The following TMEM50A variants were observed in gnomAD, a reference collection of about 807,000 sequenced individuals.
TMEM50A encodes the protein cervical cancer oncogene 9.
TMEM50A carries 8 observed loss-of-function variants against 23.9 expected under a neutral mutation model. That is an observed-to-expected ratio of 0.33 (90% CI 0.20 to 0.60). TMEM50A has a LOEUF of 0.60. Among genes scored for constraint, TMEM50A ranks in the 20% least tolerant of loss-of-function variants. The pLI is 0.81. For missense variants in TMEM50A, 178 were observed against 192.7 expected (o/e 0.92, Z 0.45); for synonymous variants, 55 against 60.4 (o/e 0.91, Z 0.41).
intron 3 of TMEM50A, among the ~76,000 whole-genome samples, chr1:25,346,793 C>T (rs3093601): frequency 2.6e-5 from 4 of 151,934 alleles, no homozygotes; most frequent in Admixed American, 6.5e-5. Context: ...CCAAAGTGGG[C>T]GGATCACTTG....
chr1:25,350,427 G>T (rs1645264114), intron 3 of TMEM50A, among the ~76,000 whole-genome samples: 1 of 151,914 alleles, frequency 6.6e-6, no homozygotes, highest in South Asian at 2.1e-4. Flanking sequence ...TTTCACTCTT[G>T]TCGCCCAGGC....
chr1:25,360,316 T>C (rs978433189), intron 6 of TMEM50A, among the ~76,000 whole-genome samples: 1 of 146,830 alleles, frequency 6.8e-6, no homozygotes. Context: ...GCCACTGCAC[T>C]CCAGCCTGGG....
chr1:25,339,295 A>G (rs889582926), intron 1 of TMEM50A, among the ~76,000 whole-genome samples: 3 of 152,194 alleles, frequency 2.0e-5, no homozygotes, highest in Non-Finnish European at 4.4e-5. Flanking sequence ...GCTTACAGGA[A>G]TGTTTTATAT....
intron 2 of TMEM50A, among the ~76,000 whole-genome samples, chr1:25,341,785 C>T (rs2124235108): frequency 6.6e-6 from 1 of 152,298 alleles, no homozygotes; most frequent in East Asian, 1.9e-4. Context: ...ACCTCGACCT[C>T]CCGGGCTCAG....
Position 25,357,549 on chromosome 1 carries a change from GTGTGTGTGTGTGT to G in TMEM50A, c.428+710_428+722del, listed in dbSNP as rs1419231262. Among the ~76,000 whole-genome samples the G allele has an allele frequency of 4.4e-4, 65 of 148,598 alleles. 1 individual carries two copies. The highest frequency in any genetic ancestry group is 1.3e-3 in the African/African-American group (50 of 39,032). On this transcript the variant is annotated intron_variant, in intron 6 of 6. Coordinates refer to ENST00000374358, the MANE Select transcript of TMEM50A (RefSeq NM_014313.4). ...CAGGAGTGTGTGTGTGTGTGTGTGTGTGTGTGTGTGTGTTGTGTGTGTGTGTGTTGTTTTGAGA... is the reference window on the plus strand; with the variant it reads ...CAGGAGTGTGTGTGTGTGTGTGTGTGTGTGTGTGTGTGTGTTGTTTTGAGA...
At chr1:25,353,636 A>G (rs1349204994) in intron 5 of TMEM50A, among the ~76,000 whole-genome samples, 1 of 152,226 alleles carries the variant, frequency 6.6e-6, no homozygotes, top group Admixed American at 6.5e-5. Context: ...TCAGACAGAA[A>G]AGTAAACTAA....
Position 25,352,952 on chromosome 1 carries a change from T to A in TMEM50A, c.345T>A (p.Leu115=). 1.2e-6 allele frequency: 2 copies of A among 1,613,728 alleles called. No homozygotes were observed. Among genetic ancestry groups the A allele is most frequent in the South Asian group, 2.2e-5 (2 of 90,914 alleles). Reference sequence around the variant, plus strand: ...CTCTGATTGCATCTATGTGGATTCTTTTTGGAGGTTATGTTGCTAAAGGTA... The same window carrying A: ...CTCTGATTGCATCTATGTGGATTCTATTTGGAGGTTATGTTGCTAAAGGTA... ...FGSLIASMWI[L]FGGYVAKEKD... Residue 115 remains leucine (L), a synonymous_variant, in exon 5 of 7, where the codon CTT becomes CTA. Coordinates refer to ENST00000374358, the MANE Select transcript of TMEM50A (RefSeq NM_014313.4).
intron 2 of TMEM50A, 92 bp downstream of exon 2, chr1:25,340,671 T>A: frequency 1.1e-6 from 1 of 885,600 alleles, no homozygotes; most frequent in Non-Finnish European, 1.7e-6. Flanking sequence ...TATGTACTAT[T>A]TATTTTATCT....
rs1166094302 is a variant in TMEM50A at position 25,361,534 on chromosome 1, A to G, written c.*829A>G. 1.3e-5 allele frequency: 2 copies of G among 152,282 alleles called. No individual in the cohort carries two copies. The highest frequency in any genetic ancestry group is 6.5e-5 in the Admixed American group (1 of 15,282). The allele number at this position is 152,282 out of a possible 1,614,324, so 9.4% of individuals were successfully genotyped here. A position where few individuals can be genotyped will look rare whatever the true frequency, so the allele number is the denominator to read the frequency against. ...CATTTCATCTGTGTACTGAACCACT[A>G]GCCTAATAGACCAGCACGGTCAACT... On this transcript the variant is annotated 3_prime_UTR_variant, in exon 7 of 7. Transcript: ENST00000374358.
Position 25,351,611 on chromosome 1 carries a change from A to G in TMEM50A, c.207-15A>G. ...TCATGGACCCTGATTTCTTGGTTTT[A>G]TTTTATTCATACAGGATTAATGCAG... is the stretch of plus-strand genomic sequence containing the variant. On this transcript the variant is annotated splice_polypyrimidine_tract_variant and intron_variant, in intron 3 of 6. Transcript: ENST00000374358. 1.9e-6 allele frequency: 3 copies of G among 1,595,136 alleles called. No individual in the cohort carries two copies. Among genetic ancestry groups the G allele is most frequent in the Non-Finnish European group, 2.6e-6 (3 of 1,174,630 alleles).
intron 1 of TMEM50A, among the ~76,000 whole-genome samples, chr1:25,340,266 C>T (rs911487428): frequency 3.7e-4 from 57 of 152,172 alleles, no homozygotes; most frequent in African/African-American, 1.1e-3. Context: ...AAAAAAGATA[C>T]TAAATGAATC....
At chr1:25,353,015 C>G (rs759668522) in intron 5 of TMEM50A, 41 bp downstream of exon 5, 1 of 1,545,980 alleles carries the variant, frequency 6.5e-7, no homozygotes, top group Admixed American at 2.0e-5. Context: ...CAGTGGAATA[C>G]TGGAATTTTG....
chr1:25,360,773 A>C lies in TMEM50A; in HGVS notation c.*68A>C. On this transcript the variant is annotated 3_prime_UTR_variant, in exon 7 of 7. Coordinates refer to ENST00000374358, the MANE Select transcript of TMEM50A (RefSeq NM_014313.4). ...GTTTGTTTTTTTACTGCTCACTCCC[A>C]ACCTTTTGTAATGCCATTTTCTAAA... 1 of 1,513,274 alleles carries C rather than the reference A, an allele frequency of 6.6e-7. No individual in the cohort carries two copies. Among genetic ancestry groups the C allele is most frequent in the Admixed American group, 1.8e-5 (1 of 56,454 alleles). 93.7% of individuals were successfully genotyped at this position (1,513,274 alleles called of 1,614,324 possible).
chr1:25,357,267 G>C (rs1285806156), intron 6 of TMEM50A, among the ~76,000 whole-genome samples: 1 of 152,092 alleles, frequency 6.6e-6, no homozygotes, highest in East Asian at 1.9e-4. Context: ...TTGTGAGTGA[G>C]ATTTGAGGTG....
At chr1:25,357,747 C>T (rs190064796) in intron 6 of TMEM50A, among the ~76,000 whole-genome samples, 2 of 152,148 alleles carry the variant, frequency 1.3e-5, no homozygotes, top group East Asian at 1.9e-4. Flanking sequence ...AAGTGATTCT[C>T]CTGCCTCAGC....
At chr1:25,349,044 A>G (rs1336533762) in intron 3 of TMEM50A, among the ~76,000 whole-genome samples, 2 of 152,066 alleles carry the variant, frequency 1.3e-5, no homozygotes, top group Non-Finnish European at 2.9e-5. Context: ...GGAGCGTGGG[A>G]TGGAAGAAGG....
chr1:25,360,815 G>T lies in TMEM50A; in HGVS notation c.*110G>T. 8.1e-7 allele frequency: 1 copy of T among 1,227,688 alleles called. No individual in the cohort carries two copies. Among genetic ancestry groups the T allele is most frequent in the Admixed American group, 2.1e-5 (1 of 48,052 alleles). 76.0% of individuals were successfully genotyped at this position (1,227,688 alleles called of 1,614,324 possible). A position where few individuals can be genotyped will look rare whatever the true frequency, so the allele number is the denominator to read the frequency against. Reference sequence around the variant, plus strand: ...TTTTCTAAACTTATTTCTGAGTGTAGTCTCAGCTTAAAGTTGTGTAATACT... The same window carrying T: ...TTTTCTAAACTTATTTCTGAGTGTATTCTCAGCTTAAAGTTGTGTAATACT... On this transcript the variant is annotated 3_prime_UTR_variant, in exon 7 of 7. Transcript: ENST00000374358.
chr1:25,346,717 T>G (rs571586071), intron 3 of TMEM50A, among the ~76,000 whole-genome samples: 2 of 152,048 alleles, frequency 1.3e-5, no homozygotes, highest in African/African-American at 4.8e-5. Flanking sequence ...ATTTTAAAAA[T>G]GTAATATAAA....
intron 5 of TMEM50A, among the ~76,000 whole-genome samples, chr1:25,355,735 G>A (rs1645326768): frequency 6.6e-6 from 1 of 152,194 alleles, no homozygotes; most frequent in Non-Finnish European, 1.5e-5. Context: ...TTGTGCCTCT[G>A]TCAATGAGCA....
Sources: allele counts gnomAD v4.1 joint callset (sites outside exome capture counted in the v4.1 genomes callset), GRCh38; gene constraint gnomAD v4.1.1; transcripts MANE v1.5; gene names NCBI Gene and HGNC (gene_info 2026-07-23, HGNC 2026-07-21).